Variants in TCF12 observed in about 807,000 individuals in gnomAD.
TCF12 encodes transcription factor 12.
TCF12 carries 45 observed loss-of-function variants against 86.0 expected under a neutral mutation model. The observed-to-expected ratio is 0.52, with a 90% CI of 0.41 to 0.67. The LOEUF (loss-of-function observed/expected upper bound fraction) is 0.67, where lower values mean the gene tolerates loss of function less well. TCF12 is among the 30% of genes least tolerant of loss of function. TCF12 has a pLI of 0.00. For synonymous variants in TCF12, 330 were observed against 299.6 expected (o/e 1.10, Z -1.05); for missense variants, 881 against 859.9 (o/e 1.02, Z -0.31).
chr15:57,165,730 G>T (rs969473928), intron 5 of TCF12, among the ~76,000 whole-genome samples: 16 of 151,888 alleles, frequency 1.1e-4, no homozygotes, highest in Non-Finnish European at 1.9e-4. Context: ...TAGAGACAGG[G>T]TTTCACCTTG....
chr15:57,042,853 C>T (rs896524547), intron 3 of TCF12, among the ~76,000 whole-genome samples: 1 of 152,140 alleles, frequency 6.6e-6, no homozygotes, highest in African/African-American at 2.4e-5. Context: ...CATTGTTTTA[C>T]AGCAGATCTT....
At chr15:56,918,318 G>A, upstream of TCF12, 3 of 453,510 alleles carry the variant, frequency 6.6e-6, no homozygotes, top group Non-Finnish European at 1.3e-5. Context: ...CCGCTTCGGG[G>A]GCCGAGAACC....
intron 3 of TCF12, among the ~76,000 whole-genome samples, chr15:56,978,204 A>G (rs558401567): frequency 6.6e-6 from 1 of 152,320 alleles, no homozygotes; most frequent in Non-Finnish European, 1.5e-5. Context: ...AACTCGGTTC[A>G]TTGTACTGTA....
intron 6 of TCF12, among the ~76,000 whole-genome samples, chr15:57,183,881 G>A (rs2056508478): frequency 6.6e-6 from 1 of 152,128 alleles, no homozygotes; most frequent in Admixed American, 6.5e-5. Flanking sequence ...CAAAACCAGT[G>A]CTGTTTCCAG....
chr15:56,972,722 T>C (rs993489809), intron 3 of TCF12, among the ~76,000 whole-genome samples: 1 of 152,120 alleles, frequency 6.6e-6, no homozygotes, highest in Non-Finnish European at 1.5e-5. Context: ...TTGTATATAG[T>C]TCTAACTTGG....
At chr15:57,139,798 A>G (rs1596763397) in intron 5 of TCF12, among the ~76,000 whole-genome samples, 1 of 152,210 alleles carries the variant, frequency 6.6e-6, no homozygotes, top group South Asian at 2.1e-4. Context: ...AAAGCTTTAT[A>G]GATGTTTTCA....
intron 6 of TCF12, among the ~76,000 whole-genome samples, chr15:57,170,611 G>A (rs1423011133): frequency 4.2e-5 from 5 of 119,966 alleles, no homozygotes; most frequent in Admixed American, 2.9e-4. Context: ...GCATGCAGCC[G>A]CCATGCCCTG....
At chr15:56,926,651 A>C (rs2060028755) in intron 3 of TCF12, among the ~76,000 whole-genome samples, 2 of 152,178 alleles carry the variant, frequency 1.3e-5, no homozygotes, top group South Asian at 2.1e-4. Context: ...GGTTTTTATT[A>C]ATCACCACTC....
chr15:57,172,592 A>G (rs2055591983), intron 6 of TCF12, among the ~76,000 whole-genome samples: 1 of 152,202 alleles, frequency 6.6e-6, no homozygotes, highest in Non-Finnish European at 1.5e-5. Context: ...ACTCAGGGAC[A>G]CAAAGAAGGC....
intron 3 of TCF12, among the ~76,000 whole-genome samples, chr15:56,965,808 T>A (rs192442415): frequency 2.0e-5 from 3 of 152,308 alleles, no homozygotes; most frequent in African/African-American, 7.2e-5. Context: ...CTTGCAGTTA[T>A]CCATGATGGG....
chr15:57,030,379 C>G (rs2066092418), intron 3 of TCF12, among the ~76,000 whole-genome samples: 1 of 152,134 alleles, frequency 6.6e-6, no homozygotes, highest in Admixed American at 6.6e-5. Context: ...GCTGGGACCA[C>G]AGGTGCAAGC....
At chr15:57,167,356 T>C (rs2054976157) in intron 6 of TCF12, among the ~76,000 whole-genome samples, 1 of 152,070 alleles carries the variant, frequency 6.6e-6, no homozygotes, top group Non-Finnish European at 1.5e-5. Flanking sequence ...AGCTCAAGAG[T>C]TTGAGACCAA....
In TCF12 at chr15:57,094,926, G is replaced by T. The variant is rs996528759; in HGVS notation, c.325+3035G>T. ...AGCTTTCAAATACTTTAATGATTTT[G>T]TACATTGCAAAAATGAGAAATTTTG... is the stretch of plus-strand genomic sequence containing the variant. On this transcript the variant is annotated intron_variant, in intron 5 of 20. Coordinates refer to ENST00000333725, the MANE Select transcript of TCF12 (RefSeq NM_207037.2). Among the ~76,000 whole-genome samples the T allele has an allele frequency of 3.9e-5, 6 of 152,254 alleles. No individual in the cohort carries two copies. The East Asian group carries it at 1.2e-3, about 29-fold the overall frequency.
chr15:57,002,664 G>A (rs1229437745), intron 3 of TCF12, among the ~76,000 whole-genome samples: 1 of 152,194 alleles, frequency 6.6e-6, no homozygotes, highest in Non-Finnish European at 1.5e-5. Flanking sequence ...AGTGACTTGA[G>A]AGAAGTTTCT....
intron 3 of TCF12, among the ~76,000 whole-genome samples, chr15:57,000,576 A>C (rs1465968732): frequency 6.6e-6 from 1 of 152,106 alleles, no homozygotes; most frequent in Non-Finnish European, 1.5e-5. Flanking sequence ...CACCTTAGGA[A>C]GCTAATGAAG....
chr15:57,038,796 C>T (rs1252421320), intron 3 of TCF12, among the ~76,000 whole-genome samples: 1 of 152,144 alleles, frequency 6.6e-6, no homozygotes, highest in Non-Finnish European at 1.5e-5. Flanking sequence ...TTTTCTTTAG[C>T]TAGTCCTTGT....
intron 5 of TCF12, among the ~76,000 whole-genome samples, chr15:57,140,819 T>G (rs2052909909): frequency 6.6e-6 from 1 of 152,210 alleles, no homozygotes; most frequent in Non-Finnish European, 1.5e-5. Flanking sequence ...TATCTTACTC[T>G]GCAATTTGAT....
chr15:57,109,625 A>G (rs1407358701), intron 5 of TCF12, among the ~76,000 whole-genome samples: 1 of 152,172 alleles, frequency 6.6e-6, no homozygotes, highest in Non-Finnish European at 1.5e-5. Flanking sequence ...CAGATTATTT[A>G]TCTTAACCTA....
At chr15:57,114,962 CAGTA>C (rs563067361) in intron 5 of TCF12, among the ~76,000 whole-genome samples, 2 of 150,672 alleles carry the variant, frequency 1.3e-5, no homozygotes, top group Admixed American at 6.6e-5. Flanking sequence ...AAATAGAAAA[CAGTA>C]AGCATGTTTA....
Sources: gnomAD v4.1 joint callset for allele counts (sites outside exome capture counted in the v4.1 genomes callset) on GRCh38, gnomAD v4.1.1 for gene constraint, MANE v1.5 for transcripts, NCBI Gene and HGNC (gene_info 2026-07-23, HGNC 2026-07-21) for gene names.